Variants in DR1 observed in about 807,000 individuals in gnomAD.
DR1 encodes the protein down-regulator of transcription 1.
A neutral mutation model predicts 19.9 loss-of-function variants in DR1; 7 were observed. That is an observed-to-expected ratio of 0.35 (90% CI 0.20 to 0.66). The LOEUF (loss-of-function observed/expected upper bound fraction) is 0.66. DR1 is among the 30% of genes least tolerant of loss of function. The probability of loss-of-function intolerance (pLI) is 0.66; values close to 1 mark genes in which losing one functional copy is unlikely to be tolerated. For missense variants in DR1, 98 were observed against 203.7 expected, an observed-to-expected ratio of 0.48 and a Z score of 3.16; for synonymous variants, 76 against 72.5, an observed-to-expected ratio of 1.05 and a Z score of -0.24.
chr1:93,359,593 C>A (rs1667030087), intron 2 of DR1, among the ~76,000 whole-genome samples: 1 of 151,982 alleles, frequency 6.6e-6, no homozygotes, highest in African/African-American at 2.4e-5. Flanking sequence ...CAAGAACAGA[C>A]AGAGAAGGAG....
chr1:93,361,697 T>C lies in DR1; in HGVS notation c.*1058T>C, dbSNP rs1667054536. On this transcript the variant is annotated 3_prime_UTR_variant, in exon 3 of 3. Transcript: ENST00000370272. ...TGAGATGACATTATTGTCTCCATAA[T>C]TGAGTGATAGCTTTAAAAAAAAGAT... The C allele has an allele frequency of 6.6e-6, 1 of 152,446 alleles. No homozygotes were observed. Among genetic ancestry groups the C allele is most frequent in the South Asian group, 2.1e-4 (1 of 4,834 alleles). The allele number at this position is 152,446 out of a possible 1,614,324, so 9.4% of individuals were successfully genotyped here. A position where few individuals can be genotyped will look rare whatever the true frequency, so the allele number is the denominator to read the frequency against.
chr1:93,362,806 A>G lies in DR1; in HGVS notation c.*2167A>G, dbSNP rs1462603856. The G allele has an allele frequency of 1.0e-5, 1 of 98,340 alleles. No homozygotes were observed. Among genetic ancestry groups the G allele is most frequent in the Non-Finnish European group, 2.1e-5 (1 of 47,668 alleles). The allele number at this position is 98,340 out of a possible 1,614,324, so 6.1% of individuals were successfully genotyped here. On this transcript the variant is annotated 3_prime_UTR_variant, in exon 3 of 3. Coordinates refer to ENST00000370272, the MANE Select transcript of DR1 (RefSeq NM_001938.3). Reference sequence around the variant, plus strand: ...GCATAACAAAGCTTACTTATGCAATATTTTATTTTTAGGTTTTTTCTTTTT... The same window carrying G: ...GCATAACAAAGCTTACTTATGCAATGTTTTATTTTTAGGTTTTTTCTTTTT...
chr1:93,366,224 T>G lies in DR1; in HGVS notation c.*5585T>G, dbSNP rs1026324075. On this transcript the variant is annotated 3_prime_UTR_variant, in exon 3 of 3. Transcript: ENST00000370272. ...AGTTCATTCATGTTGTAGCATGTATTAGAATTTCTTTCCTCTTAAAGGCCA... is the reference window on the plus strand; with the variant it reads ...AGTTCATTCATGTTGTAGCATGTATGAGAATTTCTTTCCTCTTAAAGGCCA... 1 of 152,246 alleles carries G rather than the reference T, an allele frequency of 6.6e-6. No individual in the cohort carries two copies. The highest frequency in any genetic ancestry group is 1.5e-5 in the Non-Finnish European group (1 of 68,034). 9.4% of individuals were successfully genotyped at this position (152,246 alleles called of 1,614,324 possible).
Position 93,354,038 on chromosome 1 carries a change from G to A in DR1, c.351G>A (p.Glu117=). 1 of 1,612,718 alleles carries A rather than the reference G, an allele frequency of 6.2e-7. No individual in the cohort carries two copies. Among genetic ancestry groups the A allele is most frequent in the Non-Finnish European group, 8.5e-7 (1 of 1,179,544 alleles). ...RLENLGIPEE[E]LLRQQQELFA... is the part of the protein sequence containing the mutation. ...AAAACCTTGGCATTCCTGAAGAAGA[G>A]TTATTGAGACAGCAACAAGAATTAT... Residue 117 remains glutamate (E), a synonymous_variant, in exon 2 of 3, where the codon GAG becomes GAA. Transcript: ENST00000370272.
chr1:93,352,920 G>T (rs1409896336), intron 1 of DR1, among the ~76,000 whole-genome samples: 2 of 141,328 alleles, frequency 1.4e-5, no homozygotes, highest in African/African-American at 2.8e-5. Context: ...TTTGAAACAG[G>T]GTCTTGCTCT....
At chr1:93,358,243 G>T (rs1667013164) in intron 2 of DR1, among the ~76,000 whole-genome samples, 1 of 152,184 alleles carries the variant, frequency 6.6e-6, no homozygotes, top group Non-Finnish European at 1.5e-5. Flanking sequence ...ACCTTTCTAT[G>T]CTCTGCTTTG....
At position 93,364,906 on chromosome 1, in the gene DR1, T is replaced by C. The variant is rs1320913320; in HGVS notation, c.*4267T>C. On this transcript the variant is annotated 3_prime_UTR_variant, in exon 3 of 3. Transcript: ENST00000370272. ...TCTTGCTCTGTCACCCAGGCTGGAATGCAGTGGCGCGATCTCGGCTCACTG... is the reference window on the plus strand; with the variant it reads ...TCTTGCTCTGTCACCCAGGCTGGAACGCAGTGGCGCGATCTCGGCTCACTG... 2 of 135,294 alleles carry C rather than the reference T, an allele frequency of 1.5e-5. No individual in the cohort carries two copies. The highest frequency in any genetic ancestry group is 5.1e-4 in the East Asian group (2 of 3,934). 8.4% of individuals were successfully genotyped at this position (135,294 alleles called of 1,614,324 possible).
At position 93,346,538 on chromosome 1, in the gene DR1, C is replaced by T; in HGVS notation, c.-108C>T. Reference sequence around the variant, plus strand: ...TTTTCTGCACCCTCTTCGCAAAGCACCCCCCGGGATCACTCTCCGAGGGCG... The same window carrying T: ...TTTTCTGCACCCTCTTCGCAAAGCATCCCCCGGGATCACTCTCCGAGGGCG... On this transcript the variant is annotated 5_prime_UTR_variant, in exon 1 of 3. Transcript: ENST00000370272. 3 of 838,416 alleles carry T rather than the reference C, an allele frequency of 3.6e-6. No homozygotes were observed. The highest frequency in any genetic ancestry group is 1.9e-6 in the Non-Finnish European group (1 of 526,222). 51.9% of individuals were successfully genotyped at this position (838,416 alleles called of 1,614,324 possible). A position where few individuals can be genotyped will look rare whatever the true frequency, so the allele number is the denominator to read the frequency against.
intron 1 of DR1, among the ~76,000 whole-genome samples, chr1:93,353,078 A>G (rs934049639): frequency 1.1e-4 from 16 of 152,022 alleles, no homozygotes; most frequent in Non-Finnish European, 2.9e-5. Context: ...TACTTTTTGT[A>G]GAGACGAGGT....
chr1:93,350,163 C>T (rs534119720), intron 1 of DR1, among the ~76,000 whole-genome samples: 2 of 151,918 alleles, frequency 1.3e-5, no homozygotes, highest in African/African-American at 4.8e-5. Flanking sequence ...CTTCTGCCAC[C>T]CCACAATTAC....
intron 2 of DR1, among the ~76,000 whole-genome samples, chr1:93,359,595 G>C (rs780070476): frequency 5.9e-5 from 9 of 152,180 alleles, no homozygotes; most frequent in Admixed American, 2.6e-4. Context: ...AGAACAGACA[G>C]AGAAGGAGAA....
chr1:93,359,005 C>T (rs1039924183), intron 2 of DR1, among the ~76,000 whole-genome samples: 4 of 152,082 alleles, frequency 2.6e-5, no homozygotes, highest in African/African-American at 9.7e-5. Flanking sequence ...ATTTGGGAAA[C>T]ATTTTGTGTT....
chr1:93,354,969 C>T (rs541374679), intron 2 of DR1: 2 of 152,236 alleles, frequency 1.3e-5, no homozygotes, highest in East Asian at 3.9e-4. Context: ...ATTTAATCCT[C>T]CCAACAACCT....
At chr1:93,352,555 T>C (rs1205808862) in intron 1 of DR1, among the ~76,000 whole-genome samples, 1 of 152,202 alleles carries the variant, frequency 6.6e-6, no homozygotes, top group Non-Finnish European at 1.5e-5. Flanking sequence ...TCATTCAAAA[T>C]GTCTAAAAAC....
intron 1 of DR1, among the ~76,000 whole-genome samples, chr1:93,348,559 G>C (rs1666881028): frequency 6.6e-6 from 1 of 151,980 alleles, no homozygotes; most frequent in Non-Finnish European, 1.5e-5. Context: ...GATATATTTA[G>C]ATTTCTGATT....
rs1457225880 is a variant in DR1 at position 93,368,665 on chromosome 1, G to C, written c.*8026G>C. The C allele has an allele frequency of 1.3e-5, 2 of 152,158 alleles. No individual in the cohort carries two copies. Among genetic ancestry groups the C allele is most frequent in the Non-Finnish European group, 2.9e-5 (2 of 68,006 alleles). The allele number at this position is 152,158 out of a possible 1,614,324, so 9.4% of individuals were successfully genotyped here. A position where few individuals can be genotyped will look rare whatever the true frequency, so the allele number is the denominator to read the frequency against. ...AAACTTCTAGAATCCATGTAGTAGG[G>C]TGTAGTAGTGTGGTTAAGCTATGAA... On this transcript the variant is annotated 3_prime_UTR_variant, in exon 3 of 3. Coordinates refer to ENST00000370272, the MANE Select transcript of DR1 (RefSeq NM_001938.3).
chr1:93,356,723 ATTT>A (rs34485070), intron 2 of DR1, among the ~76,000 whole-genome samples: 4 of 139,398 alleles, frequency 2.9e-5, no homozygotes, highest in Admixed American at 7.1e-5. Context: ...AACTCTTACA[ATTT>A]TTTTTTTTTT....
In DR1 at chr1:93,361,293, CTA is replaced by C. The variant is rs1292242579; in HGVS notation, c.*657_*658del. 1 of 152,428 alleles carries C rather than the reference CTA, an allele frequency of 6.6e-6. No homozygotes were observed. Among genetic ancestry groups the C allele is most frequent in the Non-Finnish European group, 1.5e-5 (1 of 67,962 alleles). The allele number at this position is 152,428 out of a possible 1,614,324, so 9.4% of individuals were successfully genotyped here. ...TTTCTGTTTTGTGTAGAGGTAAAAA[CTA>C]TAGTTTTATTACAGCATAATTCATT... is the stretch of plus-strand genomic sequence containing the variant. On this transcript the variant is annotated 3_prime_UTR_variant, in exon 3 of 3. Transcript: ENST00000370272.
At position 93,364,361 on chromosome 1, in the gene DR1, A is replaced by G. The variant is rs979907217; in HGVS notation, c.*3722A>G. ...ATGTTGAATTAGTATGTTGTGGGAA[A>G]ATCTGTGATTTAATTTTTTAATTGA... is the stretch of plus-strand genomic sequence containing the variant. On this transcript the variant is annotated 3_prime_UTR_variant, in exon 3 of 3. Coordinates refer to ENST00000370272, the MANE Select transcript of DR1 (RefSeq NM_001938.3). 1 of 152,192 alleles carries G rather than the reference A, an allele frequency of 6.6e-6. No individual in the cohort carries two copies. The highest frequency in any genetic ancestry group is 1.5e-5 in the Non-Finnish European group (1 of 68,030). The allele number at this position is 152,192 out of a possible 1,614,324, so 9.4% of individuals were successfully genotyped here.
Sources: gnomAD v4.1 joint callset for allele counts (sites outside exome capture counted in the v4.1 genomes callset) on GRCh38, gnomAD v4.1.1 for gene constraint, MANE v1.5 for transcripts, NCBI Gene and HGNC (gene_info 2026-07-23, HGNC 2026-07-21) for gene names.